CSGALNACT1: variants seen among roughly 807,000 people sequenced by gnomAD.
CSGALNACT1 encodes the protein chondroitin sulfate N-acetylgalactosaminyltransferase 1.
Under a neutral mutation model 51.0 loss-of-function variants are expected in CSGALNACT1, and 52 were observed. That is an observed-to-expected ratio of 1.02 (90% CI 0.82 to 1.29). The LOEUF is 1.29. Among genes scored for constraint, CSGALNACT1 ranks in the 50% most tolerant of loss-of-function variants. The pLI is 0.00. For missense variants in CSGALNACT1, 935 were observed against 679.2 expected (o/e 1.38, Z -4.19); for synonymous variants, 341 against 254.4 (o/e 1.34, Z -3.24).
intron 1 of CSGALNACT1, among the ~76,000 whole-genome samples, chr8:19,675,017 ACAT>A (rs2060074982): frequency 6.6e-6 from 1 of 152,178 alleles, no homozygotes; most frequent in Admixed American, 6.5e-5. Context: ...TGCTCAATTG[ACAT>A]CATCTAGATG....
chr8:19,620,824 G>A (rs1457890842), intron 1 of CSGALNACT1, among the ~76,000 whole-genome samples: 2 of 152,140 alleles, frequency 1.3e-5, no homozygotes, highest in African/African-American at 4.8e-5. Context: ...ACTCTGGTAT[G>A]TAGCCACGGA....
intron 3 of CSGALNACT1, among the ~76,000 whole-genome samples, chr8:19,521,963 A>G (rs2080817613): frequency 6.6e-6 from 1 of 152,196 alleles, no homozygotes; most frequent in Non-Finnish European, 1.5e-5. Flanking sequence ...AGTTGCTTCC[A>G]CATCTTGTAT....
chr8:19,755,944 T>G (rs376409918), intron 1 of CSGALNACT1, among the ~76,000 whole-genome samples: 1 of 152,188 alleles, frequency 6.6e-6, no homozygotes, highest in Non-Finnish European at 1.5e-5. Flanking sequence ...TTCTAGGAAT[T>G]GACCATCTTC....
chr8:19,647,649 C>T (rs1389592553), intron 1 of CSGALNACT1, among the ~76,000 whole-genome samples: 2 of 152,134 alleles, frequency 1.3e-5, no homozygotes, highest in African/African-American at 4.8e-5. Flanking sequence ...CTGTAAAATT[C>T]AATGGCTGCA....
chr8:19,404,835 G>A (rs1037814010), exon 10 of CSGALNACT1: 1 of 454,404 alleles, frequency 2.2e-6, no homozygotes, highest in Non-Finnish European at 4.4e-6. Flanking sequence ...AGCAGAAAGT[G>A]TCATTTTCTT....
At chr8:19,622,420 C>T (rs1209022302) in intron 1 of CSGALNACT1, among the ~76,000 whole-genome samples, 1 of 152,196 alleles carries the variant, frequency 6.6e-6, no homozygotes, top group African/African-American at 2.4e-5. Context: ...AGGAATTTTA[C>T]AAGCCAGTTG....
intron 3 of CSGALNACT1, among the ~76,000 whole-genome samples, chr8:19,514,699 G>A (rs2079183795): frequency 6.7e-6 from 1 of 149,972 alleles, no homozygotes; most frequent in African/African-American, 2.4e-5. Context: ...CTGGCATGGT[G>A]GCTCATGCCT....
chr8:19,697,029 G>A (rs954503270), intron 1 of CSGALNACT1, among the ~76,000 whole-genome samples: 17 of 152,120 alleles, frequency 1.1e-4, no homozygotes, highest in African/African-American at 4.1e-4. Flanking sequence ...GATGGCAGAG[G>A]GCCTGTGTGT....
At chr8:19,638,727 T>C (rs554488173) in intron 1 of CSGALNACT1, among the ~76,000 whole-genome samples, 15 of 151,892 alleles carry the variant, frequency 9.9e-5, no homozygotes, top group Admixed American at 8.5e-4. Flanking sequence ...AGTCACTGGG[T>C]GGTAACTTCC....
intron 8 of CSGALNACT1, among the ~76,000 whole-genome samples, chr8:19,408,949 A>AACACATACACACACACACACACACAC (rs2054967881): frequency 7.0e-6 from 1 of 142,216 alleles, no homozygotes; most frequent in Non-Finnish European, 1.5e-5. Flanking sequence ...TAGATATGAA[A>AACACATACACACACACACACACACAC]ACACACACAC....
chr8:19,630,238 GTGTGTA>G (rs879831644), intron 1 of CSGALNACT1, among the ~76,000 whole-genome samples: 3,247 of 128,130 alleles, frequency 0.025, 51 homozygotes, highest in Middle Eastern at 0.04. Context: ...GTGTGTGTGT[GTGTGTA>G]TGTGTGTGTG....
exon 10 of CSGALNACT1, chr8:19,405,621 G>T (rs756754827): frequency 1.3e-5 from 13 of 992,368 alleles, no homozygotes; most frequent in Non-Finnish European, 1.8e-5. Flanking sequence ...GATTTCTGTT[G>T]TAAAAAGCCC....
chr8:19,513,463 T>TATATATATATATATATATATATA (rs1563834590), intron 3 of CSGALNACT1, among the ~76,000 whole-genome samples: 18 of 143,566 alleles, frequency 1.3e-4, no homozygotes, highest in Non-Finnish European at 1.7e-4. Context: ...TATATATATA[T>TATATATATATATATATATATATA]TTTGTGCCAT....
rs140459259 is a variant in CSGALNACT1 at position 19,435,220 on chromosome 8, C to T, written c.953+4610G>A. 7.1e-3 allele frequency among the ~76,000 whole-genome samples: 1,076 copies of T among 152,224 alleles called. 13 individuals are homozygous for T. The highest frequency in any genetic ancestry group is 0.024 in the African/African-American group (1,011 of 41,530). On this transcript the variant is annotated intron_variant, in intron 6 of 9. Transcript: ENST00000454498. ...ACATTAAAATAACTTTTTGGCCAGGCGCGGTTGCTCACGCCTGTAATCCCA... is the reference window on the plus strand; with the variant it reads ...ACATTAAAATAACTTTTTGGCCAGGTGCGGTTGCTCACGCCTGTAATCCCA...
In CSGALNACT1 at chr8:19,665,828, G is replaced by A. The variant is rs77103763; in HGVS notation, c.-544+16645C>T. The stretch of plus-strand genomic sequence containing the variant: ...TAACTAAAAATGTGTTCTTCGCTAC[G>A]TAAACAGAACACATTCTCTATTCAT... On this transcript the variant is annotated intron_variant, in intron 1 of 9. Coordinates refer to the CSGALNACT1 transcript ENST00000332246. Among the ~76,000 whole-genome samples, 315 of 152,284 alleles carry A rather than the reference G, an allele frequency of 2.1e-3. 2 individuals are homozygous for A. The highest frequency in any genetic ancestry group is 7.1e-3 in the African/African-American group (296 of 41,550).
At chr8:19,653,302 T>C (rs549856291) in intron 1 of CSGALNACT1, among the ~76,000 whole-genome samples, 1 of 152,172 alleles carries the variant, frequency 6.6e-6, no homozygotes, top group Non-Finnish European at 1.5e-5. Context: ...TTGACATCGC[T>C]GAGTATCCCT....
intron 6 of CSGALNACT1, among the ~76,000 whole-genome samples, chr8:19,427,316 C>A (rs1180164872): frequency 6.6e-6 from 1 of 152,202 alleles, no homozygotes; most frequent in Non-Finnish European, 1.5e-5. Flanking sequence ...CAGGCTACAT[C>A]CTCAGATTGT....
chr8:19,744,311 C>T lies in CSGALNACT1; in HGVS notation c.-297+13539G>A, dbSNP rs537141440. 2.1e-3 allele frequency among the ~76,000 whole-genome samples: 323 copies of T among 152,280 alleles called. 9 individuals carry two copies. The Middle Eastern group carries it at 0.024, about 11-fold the overall frequency. On this transcript the variant is annotated intron_variant, in intron 1 of 1. Transcript: ENST00000517494. ...TATTTAGTCCTGTCCTCATGCTCAG[C>T]GGACCACAGATACACCCACGTCATA...
chr8:19,576,083 C>A (rs1239152980), intron 3 of CSGALNACT1, among the ~76,000 whole-genome samples: 1 of 152,054 alleles, frequency 6.6e-6, no homozygotes, highest in Admixed American at 6.5e-5. Flanking sequence ...CTAGCCACAC[C>A]CCATCCCTGT....
Sources: allele counts gnomAD v4.1 joint callset (sites outside exome capture counted in the v4.1 genomes callset), GRCh38; gene constraint gnomAD v4.1.1; transcripts MANE v1.5; gene names NCBI Gene and HGNC (gene_info 2026-07-23, HGNC 2026-07-21).